The following ADGRB3 variants were observed in gnomAD, a reference collection of about 807,000 sequenced individuals.
ADGRB3 encodes the protein brain-specific angiogenesis inhibitor 3.
ADGRB3 carries 37 observed loss-of-function variants against 193.4 expected under a neutral mutation model. The observed-to-expected ratio is 0.19, with a 90% CI of 0.15 to 0.25. The LOEUF (loss-of-function observed/expected upper bound fraction) is 0.25. ADGRB3 is among the 10% of genes least tolerant of loss of function. ADGRB3 has a pLI of 1.00. For missense variants in ADGRB3, 1,637 were observed against 1,852.9 expected (o/e 0.88, Z 2.14); for synonymous variants, 690 against 644.2 (o/e 1.07, Z -1.08).
intron 23 of ADGRB3, chr6:69,332,662 G>T: frequency 1.0e-6 from 1 of 985,384 alleles, no homozygotes; most frequent in Non-Finnish European, 1.2e-6. Flanking sequence ...TAAAATTCAG[G>T]CAATTGAAGG....
chr6:68,868,911 A>ATG (rs375255522), intron 3 of ADGRB3, among the ~76,000 whole-genome samples: 29,047 of 139,700 alleles, frequency 0.21, 3,021 homozygotes, highest in African/African-American at 0.3. Flanking sequence ...CCAGATAATG[A>ATG]TGTGTGTGTG....
At chr6:69,234,624 G>A (rs1322540817) in intron 18 of ADGRB3, among the ~76,000 whole-genome samples, 1 of 152,074 alleles carries the variant, frequency 6.6e-6, no homozygotes. Context: ...GTAGCATCTA[G>A]ATAAATTTTA....
intron 20 of ADGRB3, among the ~76,000 whole-genome samples, chr6:69,243,509 AG>A (rs1468462222): frequency 6.7e-6 from 1 of 150,174 alleles, no homozygotes; most frequent in Non-Finnish European, 1.5e-5. Flanking sequence ...CATCGCTAAA[AG>A]ATATGGGATA....
At chr6:69,045,867 G>T (rs7738176) in intron 13 of ADGRB3, among the ~76,000 whole-genome samples, 2,608 of 152,138 alleles carry the variant, frequency 0.017, 79 homozygotes, top group African/African-American at 0.059. Context: ...ATAAATTAGT[G>T]ACCCTAATTG....
At chr6:69,083,990 G>A (rs1026512082) in intron 17 of ADGRB3, among the ~76,000 whole-genome samples, 2 of 151,958 alleles carry the variant, frequency 1.3e-5, no homozygotes, top group African/African-American at 4.8e-5. Flanking sequence ...GGCCAGTCTG[G>A]TCTCAAAGAC....
At chr6:68,723,545 C>A (rs536924074) in intron 3 of ADGRB3, among the ~76,000 whole-genome samples, 2 of 151,636 alleles carry the variant, frequency 1.3e-5, no homozygotes, top group Non-Finnish European at 2.9e-5. Context: ...GTGTTAATTA[C>A]ATATAGAGAA....
At chr6:69,178,307 C>T (rs558900451) in intron 17 of ADGRB3, among the ~76,000 whole-genome samples, 2 of 152,222 alleles carry the variant, frequency 1.3e-5, no homozygotes, top group South Asian at 4.1e-4. Flanking sequence ...CAACCCTTTA[C>T]TTTGAGGTTA....
rs757050021 is a variant in ADGRB3, at chr6:69,361,528, T to C, written c.4239+16T>C. 3 of 1,597,496 alleles carry C rather than the reference T, an allele frequency of 1.9e-6. No homozygotes were observed. The African/African-American group carries it at 4.0e-5, about 22-fold the overall frequency. On this transcript the variant is annotated intron_variant, in intron 29 of 31. Coordinates refer to ENST00000370598, the MANE Select transcript of ADGRB3 (RefSeq NM_001704.3). ...TTCTTTAGAGGTGAGCCACAGAAGATTAAATTTTTCCTTGATAGTTGAAAT... is the reference window on the plus strand; with the variant it reads ...TTCTTTAGAGGTGAGCCACAGAAGACTAAATTTTTCCTTGATAGTTGAAAT...
intron 3 of ADGRB3, among the ~76,000 whole-genome samples, chr6:68,677,694 T>C (rs1769130221): frequency 6.6e-6 from 1 of 151,870 alleles, no homozygotes; most frequent in Non-Finnish European, 1.5e-5. Flanking sequence ...ATTTTTGTAG[T>C]TTTTGGCAGA....
In ADGRB3 at chr6:69,040,353, CTT is replaced by C. The variant is rs1191726155; in HGVS notation, c.2108-7830_2108-7829del. On this transcript the variant is annotated intron_variant, in intron 13 of 31. Transcript: ENST00000370598. ...TCTTTCTTTCTTTCTTTCTTTCTTTCTTTCTTTCTTTCTTTCTTTCTTTCCTT... is the reference window on the plus strand; with the variant it reads ...TCTTTCTTTCTTTCTTTCTTTCTTTCTCTTTCTTTCTTTCTTTCTTTCCTT... Among the ~76,000 whole-genome samples the C allele has an allele frequency of 8.0e-3, 448 of 56,210 alleles. 6 individuals carry two copies. The highest frequency in any genetic ancestry group is 0.061 in the South Asian group (60 of 978). The allele number at this position is 56,210 out of a possible 152,430, so 36.9% of individuals were successfully genotyped here. A position where few individuals can be genotyped will look rare whatever the true frequency, so the allele number is the denominator to read the frequency against.
intron 17 of ADGRB3, among the ~76,000 whole-genome samples, chr6:69,085,235 T>C (rs1237799474): frequency 6.6e-6 from 1 of 152,106 alleles, no homozygotes; most frequent in Non-Finnish European, 1.5e-5. Context: ...TTTGAAAGTA[T>C]TTACTTAAAC....
At chr6:69,009,028 T>TA (rs144454486) in intron 11 of ADGRB3, among the ~76,000 whole-genome samples, 15,353 of 151,888 alleles carry the variant, frequency 0.1, 1,563 homozygotes, top group East Asian at 0.53. Flanking sequence ...TGTTTTCTAT[T>TA]AAAAAAAATC....
intron 3 of ADGRB3, among the ~76,000 whole-genome samples, chr6:68,777,592 C>A (rs1056138422): frequency 1.3e-5 from 2 of 149,504 alleles, no homozygotes; most frequent in African/African-American, 5.0e-5. Flanking sequence ...AATAAATATG[C>A]CCTTCTTTAG....
intron 17 of ADGRB3, among the ~76,000 whole-genome samples, chr6:69,203,457 T>A (rs1035736135): frequency 6.6e-6 from 1 of 152,048 alleles, no homozygotes; most frequent in African/African-American, 2.4e-5. Context: ...TTTTGTTTTT[T>A]TTTTCTCTTA....
intron 7 of ADGRB3, among the ~76,000 whole-genome samples, chr6:68,956,426 C>A (rs1768077422): frequency 6.6e-6 from 1 of 151,926 alleles, no homozygotes. Context: ...ACTACGAATA[C>A]ATTTGAGGAA....
intron 6 of ADGRB3, 34 bp downstream of exon 6, chr6:68,944,028 T>C: frequency 1.3e-6 from 2 of 1,569,062 alleles, no homozygotes; most frequent in South Asian, 2.3e-5. Context: ...ATGTTTGCAT[T>C]ATGTGCTTTT....
intron 3 of ADGRB3, among the ~76,000 whole-genome samples, chr6:68,824,446 A>T (rs1470357476): frequency 6.7e-6 from 1 of 149,412 alleles, no homozygotes; most frequent in East Asian, 1.9e-4. Context: ...AAATACATAC[A>T]TATTTACATA....
chr6:69,137,112 T>C (rs1190818076), intron 17 of ADGRB3, among the ~76,000 whole-genome samples: 1 of 141,500 alleles, frequency 7.1e-6, no homozygotes, highest in East Asian at 2.2e-4. Context: ...AATGTGAAAT[T>C]AAAATAGATG....
At position 69,084,691 on chromosome 6, in the gene ADGRB3, A is replaced by G. The variant is rs148139587; in HGVS notation, c.2480+8653A>G. On this transcript the variant is annotated intron_variant, in intron 17 of 31. Coordinates refer to ENST00000370598, the MANE Select transcript of ADGRB3 (RefSeq NM_001704.3). ...TTATGAAATTGAAAATTTGCATCAA[A>G]TTTTTAATTAGTAATATGAAATAAA... Among the ~76,000 whole-genome samples, 606 of 152,298 alleles carry G rather than the reference A, an allele frequency of 4.0e-3. 4 individuals carry two copies. Among genetic ancestry groups the G allele is most frequent in the Middle Eastern group, 0.027 (8 of 294 alleles).
Sources: gnomAD v4.1 joint callset for allele counts (sites outside exome capture counted in the v4.1 genomes callset) on GRCh38, gnomAD v4.1.1 for gene constraint, MANE v1.5 for transcripts, NCBI Gene and HGNC (gene_info 2026-07-23, HGNC 2026-07-21) for gene names.